The following SLC39A11 variants were observed in gnomAD, a reference collection of about 807,000 sequenced individuals.
The protein encoded by SLC39A11 is zinc transporter ZIP11.
A neutral mutation model predicts 36.1 loss-of-function variants in SLC39A11; 33 were observed. The ratio of observed to expected loss-of-function variants is 0.91; its 90% confidence interval spans 0.69 to 1.22. The LOEUF (loss-of-function observed/expected upper bound fraction) is 1.22, where lower values mean the gene tolerates loss of function less well. Ranked by LOEUF, SLC39A11 falls within the 50% of genes most tolerant of loss-of-function variation. SLC39A11 has a pLI of 0.00. For missense variants in SLC39A11, 432 were observed against 430.3 expected (o/e 1.00, Z -0.03); for synonymous variants, 166 against 170.3 (o/e 0.97, Z 0.20).
At chr17:72,702,549 A>T (rs2072698609) in intron 7 of SLC39A11, among the ~76,000 whole-genome samples, 1 of 152,186 alleles carries the variant, frequency 6.6e-6, no homozygotes, top group South Asian at 2.1e-4. Flanking sequence ...TCATCAAAGT[A>T]CACGACAGTG....
At position 72,765,490 on chromosome 17, in the gene SLC39A11, G is replaced by C. The variant is rs578004310; in HGVS notation, c.602-28771C>G. Among the ~76,000 whole-genome samples, 4 of 152,246 alleles carry C rather than the reference G, an allele frequency of 2.6e-5. No individual in the cohort carries two copies. In the East Asian group the frequency reaches 7.7e-4, roughly 29 times the overall value. ...GCATGAATTAAACTCTTTCTCGATT[G>C]AATTAATTTCCTCATCTTGATAAAT... On this transcript the variant is annotated intron_variant, in intron 6 of 9. Transcript: ENST00000255559.
In SLC39A11 at chr17:72,874,032, A is replaced by T. The variant is rs112330512; in HGVS notation, c.431-24228T>A. On this transcript the variant is annotated intron_variant, in intron 5 of 9. Transcript: ENST00000255559. The stretch of plus-strand genomic sequence containing the variant: ...TAAGCTTCCTGAGGCCTCCCCAGGC[A>T]CGCTGAACTGTGAGGCCATTAAACC... 7.9e-3 allele frequency among the ~76,000 whole-genome samples: 1,204 copies of T among 152,266 alleles called. 11 individuals are homozygous for T. Among genetic ancestry groups the T allele is most frequent in the African/African-American group, 0.027 (1,134 of 41,550 alleles).
Position 72,987,952 on chromosome 17 carries a change from A to C in SLC39A11, c.307-40077T>G, listed in dbSNP as rs530269452. Among the ~76,000 whole-genome samples the C allele has an allele frequency of 3.9e-5, 6 of 152,346 alleles. No individual in the cohort carries two copies. The South Asian group carries it at 1.2e-3, about 32-fold the overall frequency. On this transcript the variant is annotated intron_variant, in intron 4 of 9. Transcript: ENST00000255559. ...CATGAATGGTTTAAAAAGAGCATCTATAAACCAGAAAAGAGAGCCACGTAA... is the reference window on the plus strand; with the variant it reads ...CATGAATGGTTTAAAAAGAGCATCTCTAAACCAGAAAAGAGAGCCACGTAA...
chr17:72,836,552 G>T (rs139517826), intron 6 of SLC39A11, among the ~76,000 whole-genome samples: 7,107 of 152,118 alleles, frequency 0.047, 198 homozygotes, highest in Non-Finnish European at 0.062. Context: ...CGTTGCCCAG[G>T]CTGGTCTTGA....
intron 6 of SLC39A11, among the ~76,000 whole-genome samples, chr17:72,843,871 C>T (rs2078931565): frequency 6.6e-6 from 1 of 152,158 alleles, no homozygotes; most frequent in Non-Finnish European, 1.5e-5. Flanking sequence ...CAGACGTGTG[C>T]ATATGCCTTC....
intron 6 of SLC39A11, among the ~76,000 whole-genome samples, chr17:72,752,966 C>T (rs989118046): frequency 6.6e-5 from 10 of 152,086 alleles, no homozygotes; most frequent in Non-Finnish European, 1.5e-4. Context: ...ACCAATCTTC[C>T]CACCTCAGCC....
At chr17:73,042,705 G>A (rs2059150341) in intron 3 of SLC39A11, among the ~76,000 whole-genome samples, 1 of 152,160 alleles carries the variant, frequency 6.6e-6, no homozygotes, top group African/African-American at 2.4e-5. Flanking sequence ...GGAGGCTGAG[G>A]CAGTAAGAAT....
intron 6 of SLC39A11, among the ~76,000 whole-genome samples, chr17:72,836,736 C>T (rs781316300): frequency 3.3e-5 from 5 of 152,100 alleles, no homozygotes; most frequent in Admixed American, 6.5e-5. Flanking sequence ...CTTTATACAG[C>T]GTCTGGAACC....
At chr17:72,914,378 A>G (rs62069575) in intron 5 of SLC39A11, among the ~76,000 whole-genome samples, 21,650 of 151,982 alleles carry the variant, frequency 0.14, 1,855 homozygotes, top group Non-Finnish European at 0.2. Flanking sequence ...TAATACAAAT[A>G]AGAAACAATA....
chr17:72,911,200 G>C (rs1479812084), intron 5 of SLC39A11, among the ~76,000 whole-genome samples: 1 of 152,040 alleles, frequency 6.6e-6, no homozygotes, highest in East Asian at 1.9e-4. Context: ...AACACTCATA[G>C]GTGGGAATTG....
intron 4 of SLC39A11, among the ~76,000 whole-genome samples, chr17:73,020,415 A>T (rs1445877457): frequency 6.6e-6 from 1 of 152,178 alleles, no homozygotes; most frequent in Non-Finnish European, 1.5e-5. Context: ...CTCACCAGGA[A>T]CTGAATCTGC....
intron 3 of SLC39A11, among the ~76,000 whole-genome samples, chr17:73,061,236 T>C (rs773449873): frequency 3.9e-5 from 6 of 152,116 alleles, no homozygotes; most frequent in Non-Finnish European, 8.8e-5. Context: ...AGCAGGTACC[T>C]GTAGTCCCAG....
chr17:73,002,108 G>A (rs2089856564), intron 4 of SLC39A11, among the ~76,000 whole-genome samples: 1 of 151,980 alleles, frequency 6.6e-6, no homozygotes, highest in Non-Finnish European at 1.5e-5. Flanking sequence ...GCATTCTATT[G>A]TAAGACATAC....
intron 5 of SLC39A11, among the ~76,000 whole-genome samples, chr17:72,917,714 A>T (rs2083413621): frequency 6.6e-6 from 1 of 152,210 alleles, no homozygotes; most frequent in African/African-American, 2.4e-5. Context: ...TACAAAATAA[A>T]AGTGGGCAGG....
At chr17:72,666,705 G>A (rs142161908) in intron 7 of SLC39A11, among the ~76,000 whole-genome samples, 289 of 152,262 alleles carry the variant, frequency 1.9e-3, no homozygotes, top group South Asian at 7.7e-3. Context: ...TGAACTGCAC[G>A]CCTAATGCAA....
intron 7 of SLC39A11, among the ~76,000 whole-genome samples, chr17:72,655,951 G>T (rs1354502791): frequency 2.6e-5 from 4 of 152,078 alleles, no homozygotes; most frequent in Admixed American, 6.5e-5. Context: ...CCGGGGGGCT[G>T]GTGGCGTGGA....
intron 7 of SLC39A11, among the ~76,000 whole-genome samples, chr17:72,723,013 C>T (rs1429284848): frequency 1.3e-5 from 2 of 152,168 alleles, no homozygotes; most frequent in Admixed American, 6.5e-5. Flanking sequence ...TCCTTCAATG[C>T]CTTCACTTTG....
At chr17:73,031,284 C>T (rs775259255) in intron 4 of SLC39A11, among the ~76,000 whole-genome samples, 1 of 125,770 alleles carries the variant, frequency 8.0e-6, no homozygotes, top group East Asian at 2.2e-4. Flanking sequence ...ATATACAGTG[C>T]CACCCAGCAC....
At chr17:72,937,542 A>C (rs1439792914) in intron 5 of SLC39A11, among the ~76,000 whole-genome samples, 1 of 152,176 alleles carries the variant, frequency 6.6e-6, no homozygotes, top group Non-Finnish European at 1.5e-5. Context: ...TAAAGGCATG[A>C]TTTGCGCTAC....
Sources: gnomAD v4.1 joint callset for allele counts (sites outside exome capture counted in the v4.1 genomes callset) on GRCh38, gnomAD v4.1.1 for gene constraint, MANE v1.5 for transcripts, NCBI Gene and HGNC (gene_info 2026-07-23, HGNC 2026-07-21) for gene names.